Variants in SLCO3A1 observed in about 807,000 individuals in gnomAD.
The protein encoded by SLCO3A1 is PGE1 transporter.
A neutral mutation model predicts 63.1 loss-of-function variants in SLCO3A1; 27 were observed. The observed-to-expected ratio is 0.43, with a 90% CI of 0.32 to 0.59. SLCO3A1 has a LOEUF of 0.59. Among genes scored for constraint, SLCO3A1 ranks in the 20% least tolerant of loss-of-function variants. The probability of loss-of-function intolerance (pLI) is 0.09; values close to 1 mark genes in which losing one functional copy is unlikely to be tolerated. For missense variants in SLCO3A1, 773 were observed against 945.8 expected (o/e 0.82, Z 2.40); for synonymous variants, 473 against 409.9 (o/e 1.15, Z -1.86).
intron 2 of SLCO3A1, among the ~76,000 whole-genome samples, chr15:91,940,859 G>GC (rs1899596175): frequency 6.6e-6 from 1 of 152,128 alleles, no homozygotes; most frequent in Non-Finnish European, 1.5e-5. Flanking sequence ...CAAGGTGTCT[G>GC]CCCCCTCCTA....
intron 1 of SLCO3A1, among the ~76,000 whole-genome samples, chr15:91,871,712 C>G (rs1266766230): frequency 6.7e-6 from 1 of 148,936 alleles, no homozygotes; most frequent in East Asian, 2.0e-4. Context: ...TTTTATTTCC[C>G]AGGCACCTTT....
Position 92,022,076 on chromosome 15 carries a change from C to A in SLCO3A1, c.647-72805C>A, listed in dbSNP as rs1312388540. ...AAATCCTGTCTGAAACCAGAGTTCC[C>A]ATCTGTTGGCATAAAATCCTGATGA... On this transcript the variant is annotated intron_variant, in intron 2 of 9. Coordinates refer to ENST00000318445, the MANE Select transcript of SLCO3A1 (RefSeq NM_013272.4). 2.0e-5 allele frequency among the ~76,000 whole-genome samples: 3 copies of A among 152,182 alleles called. 1 individual carries two copies. Among genetic ancestry groups the A allele is most frequent in the Admixed American group, 2.0e-4 (3 of 15,286 alleles).
intron 2 of SLCO3A1, among the ~76,000 whole-genome samples, chr15:92,054,859 C>G (rs1597265960): frequency 6.6e-6 from 1 of 152,120 alleles, no homozygotes; most frequent in Non-Finnish European, 1.5e-5. Context: ...CATTGATGGG[C>G]ATGTGGGTTG....
intron 2 of SLCO3A1, among the ~76,000 whole-genome samples, chr15:92,003,231 A>G (rs1323905312): frequency 6.6e-6 from 1 of 152,214 alleles, no homozygotes. Context: ...AGCATAGTAT[A>G]CGTGCTGTGT....
chr15:91,995,979 G>A (rs1323088405), intron 2 of SLCO3A1, among the ~76,000 whole-genome samples: 4 of 152,030 alleles, frequency 2.6e-5, no homozygotes, highest in Admixed American at 6.5e-5. Context: ...ATGATTTAAG[G>A]ATGCTCTCTT....
chr15:92,016,254 T>TAGATAGATA lies in SLCO3A1; in HGVS notation c.647-78627_647-78626insAGATAGATA. Among the ~76,000 whole-genome samples the TAGATAGATA allele has an allele frequency of 3.5e-3, 333 of 95,700 alleles. 2 individuals carry two copies. Among genetic ancestry groups the TAGATAGATA allele is most frequent in the South Asian group, 8.5e-3 (21 of 2,484 alleles). The allele number at this position is 95,700 out of a possible 152,430, so 62.8% of individuals were successfully genotyped here. On this transcript the variant is annotated intron_variant, in intron 2 of 9. Transcript: ENST00000318445. ...ATAGATAGATAGATAGATAGATAGATTAGATAGATAGATAGATAGATAGAT... is the reference window on the plus strand; with the variant it reads ...ATAGATAGATAGATAGATAGATAGATAGATAGATATAGATAGATAGATAGATAGATAGAT...
rs139289615 is a variant in SLCO3A1, at chr15:92,105,226, A to G, written c.1009+684A>G. Among the ~76,000 whole-genome samples the G allele has an allele frequency of 7.7e-3, 1,165 of 152,202 alleles. 10 individuals are homozygous for G. Among genetic ancestry groups the G allele is most frequent in the African/African-American group, 0.027 (1,119 of 41,552 alleles). Reference sequence around the variant, plus strand: ...TCACCAGAGGTTGCAGTGAGCCAAGATTGAGCCACTGCACTCCAGCCTGGG... The same window carrying G: ...TCACCAGAGGTTGCAGTGAGCCAAGGTTGAGCCACTGCACTCCAGCCTGGG... On this transcript the variant is annotated intron_variant, in intron 4 of 9. Coordinates refer to ENST00000318445, the MANE Select transcript of SLCO3A1 (RefSeq NM_013272.4).
chr15:92,077,288 A>G (rs943095269), intron 2 of SLCO3A1, among the ~76,000 whole-genome samples: 1 of 151,918 alleles, frequency 6.6e-6, no homozygotes, highest in African/African-American at 2.4e-5. Context: ...TCCTTCTATT[A>G]CCCTGTGGTT....
intron 1 of SLCO3A1, among the ~76,000 whole-genome samples, chr15:91,905,880 A>G (rs554290677): frequency 1.4e-4 from 21 of 152,216 alleles, no homozygotes; most frequent in African/African-American, 3.4e-4. Context: ...TTGGTCACCA[A>G]TTTGCTTGTG....
At chr15:92,148,747 G>GAGCTCAATGCAGACAA (rs2048264538) in intron 8 of SLCO3A1, 1 of 152,082 alleles carries the variant, frequency 6.6e-6, no homozygotes, top group Non-Finnish European at 1.5e-5. Context: ...AAAAAAGAAA[G>GAGCTCAATGCAGACAA]AGCTCAATGC....
At chr15:92,042,008 C>T (rs1043545407) in intron 2 of SLCO3A1, among the ~76,000 whole-genome samples, 4 of 152,072 alleles carry the variant, frequency 2.6e-5, no homozygotes, top group African/African-American at 9.7e-5. Flanking sequence ...GAGCAGAATG[C>T]ACCTTCCAAA....
At chr15:92,027,179 A>G (rs761673948) in intron 2 of SLCO3A1, among the ~76,000 whole-genome samples, 31 of 152,228 alleles carry the variant, frequency 2.0e-4, no homozygotes, top group Non-Finnish European at 4.1e-4. Context: ...CTCTCTAAAA[A>G]GAAGCAAAGC....
intron 2 of SLCO3A1, among the ~76,000 whole-genome samples, chr15:91,929,885 T>C (rs1447114008): frequency 1.3e-5 from 2 of 152,148 alleles, no homozygotes; most frequent in Admixed American, 6.5e-5. Context: ...CCTATGTATA[T>C]TATATACCAA....
intron 2 of SLCO3A1, among the ~76,000 whole-genome samples, chr15:91,994,004 A>T (rs532794347): frequency 1.3e-5 from 2 of 152,328 alleles, no homozygotes; most frequent in African/African-American, 4.8e-5. Flanking sequence ...AAGCCTCCGG[A>T]TGACTGTGGC....
In SLCO3A1 at chr15:92,119,892, G is replaced by C. The variant is rs2151560316; in HGVS notation, c.1010-573G>C. Among the ~76,000 whole-genome samples, 2 of 152,276 alleles carry C rather than the reference G, an allele frequency of 1.3e-5. 1 individual carries two copies. The highest frequency in any genetic ancestry group is 6.8e-3 in the Middle Eastern group (2 of 294). ...GAGCTGATGGAAATTTTGCCAGAGA[G>C]GTAGCCATGAAGATGGCAAGAAGGG... On this transcript the variant is annotated intron_variant, in intron 4 of 9. Transcript: ENST00000318445.
At chr15:92,102,343 T>A (rs1005085840) in intron 3 of SLCO3A1, among the ~76,000 whole-genome samples, 12 of 152,144 alleles carry the variant, frequency 7.9e-5, no homozygotes, top group Non-Finnish European at 1.5e-4. Flanking sequence ...TTTAAAAAGA[T>A]CCCTATTTTG....
At position 91,872,246 on chromosome 15, in the gene SLCO3A1, G is replaced by A. The variant is rs1897298802; in HGVS notation, c.180+18158G>A. On this transcript the variant is annotated intron_variant, in intron 1 of 9. Coordinates refer to ENST00000318445, the MANE Select transcript of SLCO3A1 (RefSeq NM_013272.4). The surrounding 1 kb of genome is among the most constrained non-coding windows in gnomAD (Gnocchi z 4.1). ...GGCTCACTTCTAGAAGTTAAAGAAT[G>A]TGCTGGATGGGCACGGTGGCTCACG... is the stretch of plus-strand genomic sequence containing the variant. Among the ~76,000 whole-genome samples, 1 of 152,144 alleles carries A rather than the reference G, an allele frequency of 6.6e-6. No homozygotes were observed. Among genetic ancestry groups the A allele is most frequent in the Admixed American group, 6.5e-5 (1 of 15,278 alleles).
intron 2 of SLCO3A1, among the ~76,000 whole-genome samples, chr15:92,049,893 T>C (rs1444403357): frequency 6.6e-6 from 1 of 152,164 alleles, no homozygotes; most frequent in African/African-American, 2.4e-5. Context: ...TGGCACCTCT[T>C]AGCAAGAGCA....
rs769758231 is a variant in SLCO3A1 at position 91,860,119 on chromosome 15, G to A, written c.180+6031G>A. ...TTCATGTTGATCATTTACAGTCCAT[G>A]GGTACTTGAAGGAGGTTAAAGCAGG... On this transcript the variant is annotated intron_variant, in intron 1 of 9. Transcript: ENST00000318445. This position sits in a 1 kb window ranked among gnomAD's most constrained non-coding sequence, Gnocchi z 5.5. 3.0e-4 allele frequency among the ~76,000 whole-genome samples: 46 copies of A among 152,162 alleles called. No homozygotes were observed. Among genetic ancestry groups the A allele is most frequent in the Non-Finnish European group, 5.9e-4 (40 of 68,034 alleles).
Sources: gnomAD v4.1 joint callset for allele counts (sites outside exome capture counted in the v4.1 genomes callset) on GRCh38, gnomAD v4.1.1 for gene constraint, Gnocchi (gnomAD v3.1) non-coding constraint, MANE v1.5 for transcripts, NCBI Gene and HGNC (gene_info 2026-07-23, HGNC 2026-07-21) for gene names.